WDR49: variants seen among roughly 807,000 people sequenced by gnomAD.
The protein encoded by WDR49 is WD repeat domain 49, also known as cilia- and flagella-associated protein 337.
In WDR49, 107 loss-of-function variants were observed where a neutral mutation model predicts 119.5. The ratio of observed to expected loss-of-function variants is 0.90; its 90% CI spans 0.77 to 1.05. WDR49 has a LOEUF of 1.05. Among genes scored for constraint, WDR49 ranks in the 50% least tolerant of loss-of-function variants. WDR49 has a pLI of 0.00. For synonymous variants in WDR49, 425 were observed against 418.8 expected (o/e 1.01, Z -0.18); for missense variants, 1,240 against 1,220.5 (o/e 1.02, Z -0.24).
chr3:167,598,437 G>A (rs1170703711), intron 7 of WDR49, among the ~76,000 whole-genome samples: 2 of 152,130 alleles, frequency 1.3e-5, no homozygotes, highest in East Asian at 1.9e-4. Context: ...CCCATGTGTC[G>A]AGGTAGGGAG....
intron 15 of WDR49, among the ~76,000 whole-genome samples, chr3:167,526,869 C>T (rs1015731614): frequency 6.6e-6 from 1 of 151,460 alleles, no homozygotes; most frequent in Non-Finnish European, 1.5e-5. Flanking sequence ...ACCTGAGGCT[C>T]CTAAATAGAA....
chr3:167,639,730 T>G (rs1717790515), intron 2 of WDR49, among the ~76,000 whole-genome samples: 1 of 151,884 alleles, frequency 6.6e-6, no homozygotes, highest in South Asian at 2.1e-4. Context: ...CAGCTCTTTC[T>G]TGCTGTCACA....
chr3:167,500,939 C>A (rs949898135), intron 17 of WDR49, among the ~76,000 whole-genome samples: 1 of 152,122 alleles, frequency 6.6e-6, no homozygotes, highest in Non-Finnish European at 1.5e-5. Context: ...GTTTTTGTCA[C>A]GATGGTGACT....
chr3:167,542,674 AT>A (rs1711917770), intron 10 of WDR49, among the ~76,000 whole-genome samples: 1 of 152,078 alleles, frequency 6.6e-6, no homozygotes, highest in East Asian at 1.9e-4. Context: ...TTAAATACCT[AT>A]ATCAAAAAGT....
intron 6 of WDR49, among the ~76,000 whole-genome samples, chr3:167,603,069 G>A (rs911020974): frequency 6.6e-6 from 1 of 152,116 alleles, no homozygotes; most frequent in African/African-American, 2.4e-5. Context: ...ACGACTGTAT[G>A]TGCAAGCAAA....
intron 8 of WDR49, among the ~76,000 whole-genome samples, chr3:167,570,109 C>CA (rs5854241): frequency 0.09 from 12,777 of 141,450 alleles, 736 homozygotes; most frequent in Middle Eastern, 0.25. Context: ...TTAAGCTAGC[C>CA]AAAAAAAAAA....
chr3:167,578,756 C>A (rs1714379485), intron 7 of WDR49, among the ~76,000 whole-genome samples: 1 of 152,104 alleles, frequency 6.6e-6, no homozygotes, highest in South Asian at 2.1e-4. Flanking sequence ...TTCTTTAAAG[C>A]AGCCTATTTT....
chr3:167,528,823 T>C (rs1389249541), intron 14 of WDR49, among the ~76,000 whole-genome samples: 2 of 152,126 alleles, frequency 1.3e-5, no homozygotes, highest in South Asian at 2.1e-4. Flanking sequence ...CATTTCTAAA[T>C]TGGATGACTT....
chr3:167,646,104 T>A (rs1718115911), intron 2 of WDR49, among the ~76,000 whole-genome samples: 1 of 152,120 alleles, frequency 6.6e-6, no homozygotes, highest in Non-Finnish European at 1.5e-5. Context: ...ATGATCAGCA[T>A]GACTGAAACT....
chr3:167,619,468 A>G (rs1353121661), intron 5 of WDR49, among the ~76,000 whole-genome samples: 3 of 152,172 alleles, frequency 2.0e-5, no homozygotes, highest in Non-Finnish European at 4.4e-5. Context: ...GGTATGATTT[A>G]TATCAAAGAA....
intron 14 of WDR49, among the ~76,000 whole-genome samples, chr3:167,528,732 AATAC>A (rs1156414813): frequency 3.9e-5 from 6 of 151,954 alleles, no homozygotes; most frequent in Admixed American, 2.6e-4. Flanking sequence ...TAAATAAATA[AATAC>A]ATACATACAT....
chr3:167,573,752 G>T (rs1378011296), intron 8 of WDR49, among the ~76,000 whole-genome samples: 1 of 152,160 alleles, frequency 6.6e-6, no homozygotes, highest in African/African-American at 2.4e-5. Flanking sequence ...TATGCTTTAT[G>T]TTTCCAAGAC....
chr3:167,628,506 A>G (rs920903103), intron 2 of WDR49, among the ~76,000 whole-genome samples: 2 of 152,154 alleles, frequency 1.3e-5, no homozygotes, highest in African/African-American at 4.8e-5. Context: ...AACCAGGCAC[A>G]ACATTCCTTT....
chr3:167,567,167 T>C (rs1275508662), intron 8 of WDR49, among the ~76,000 whole-genome samples: 2 of 152,200 alleles, frequency 1.3e-5, no homozygotes, highest in East Asian at 3.8e-4. Flanking sequence ...TCAAAAGCAG[T>C]CTTGAATAAT....
At chr3:167,507,283 T>C (rs1422698459) in intron 16 of WDR49, among the ~76,000 whole-genome samples, 4 of 152,166 alleles carry the variant, frequency 2.6e-5, no homozygotes, top group African/African-American at 9.7e-5. Flanking sequence ...TGGGCAGTTT[T>C]TCCCCAATTG....
rs1227584365 is a variant in WDR49, at chr3:167,653,293, C to T, written c.133G>A (p.Gly45Ser). The change falls in exon 2 of 19, where the codon GGT becomes AGT. Residue 45 changes from glycine to serine, a missense_variant. Coordinates refer to ENST00000682715, the MANE Select transcript of WDR49 (RefSeq NM_001366157.1). The stretch of plus-strand genomic sequence containing the variant: ...GCCTTCTGTATTTTTACAAAGTCAC[C>T]CACGCTGAGTTGGTTTTCAAGCAGG... ...TGLLENQLSV[G>S]DFVKIQKAFE... The T allele has an allele frequency of 6.5e-7, 1 of 1,535,958 alleles. No homozygotes were observed. Among genetic ancestry groups the T allele is most frequent in the African/African-American group, 1.4e-5 (1 of 72,990 alleles).
At chr3:167,610,954 T>C (rs796222552) in intron 5 of WDR49, among the ~76,000 whole-genome samples, 17 of 152,250 alleles carry the variant, frequency 1.1e-4, no homozygotes, top group African/African-American at 4.1e-4. Context: ...TAAGAATACT[T>C]TAATCAGAAA....
chr3:167,497,892 T>C (rs868191746), intron 18 of WDR49, among the ~76,000 whole-genome samples: 1 of 151,316 alleles, frequency 6.6e-6, no homozygotes, highest in African/African-American at 2.4e-5. Context: ...TTTTTTTTTT[T>C]CAACAGGCTA....
intron 16 of WDR49, among the ~76,000 whole-genome samples, chr3:167,507,590 G>C (rs1277595773): frequency 6.6e-6 from 1 of 152,178 alleles, no homozygotes; most frequent in South Asian, 2.1e-4. Flanking sequence ...TTTCCCTTTA[G>C]AGTAGTTAAC....
Sources: allele counts gnomAD v4.1 joint callset (sites outside exome capture counted in the v4.1 genomes callset), GRCh38; gene constraint gnomAD v4.1.1; transcripts MANE v1.5; gene names NCBI Gene and HGNC (gene_info 2026-07-23, HGNC 2026-07-21).